Variants in ASIC2 observed in about 807,000 individuals in gnomAD.
The protein encoded by ASIC2 is acid sensing ion channel subunit 2.
ASIC2 carries 25 observed loss-of-function variants against 57.3 expected under a neutral mutation model. The observed-to-expected ratio is 0.44, with a 90% CI of 0.32 to 0.61. ASIC2 has a LOEUF of 0.61. Ranked by LOEUF, ASIC2 falls within the 20% of genes least tolerant of loss-of-function variation. ASIC2 has a pLI of 0.06. For missense variants in ASIC2, 641 were observed against 738.1 expected, an observed-to-expected ratio of 0.87 and a Z score of 1.52; for synonymous variants, 319 against 307.5, an observed-to-expected ratio of 1.04 and a Z score of -0.39.
At position 33,013,847 on chromosome 17, in the gene ASIC2, T is replaced by G; in HGVS notation, c.*118A>C. On this transcript the variant is annotated 3_prime_UTR_variant, in exon 10 of 10. Coordinates refer to ENST00000225823, the MANE Select transcript of ASIC2 (RefSeq NM_183377.2). ...AGGCAGCTAGTCTGCAATGTGTGCATAGGGGGCTCTTGCTTCTTTCCAGCA... is the reference window on the plus strand; with the variant it reads ...AGGCAGCTAGTCTGCAATGTGTGCAGAGGGGGCTCTTGCTTCTTTCCAGCA... 1 of 888,118 alleles carries G rather than the reference T, an allele frequency of 1.1e-6. No individual in the cohort carries two copies. Among genetic ancestry groups the G allele is most frequent in the Non-Finnish European group, 1.8e-6 (1 of 553,010 alleles). 55.0% of individuals were successfully genotyped at this position (888,118 alleles called of 1,614,324 possible).
intron 1 of ASIC2, among the ~76,000 whole-genome samples, chr17:34,110,020 A>C (rs1215211899): frequency 2.0e-5 from 3 of 152,090 alleles, no homozygotes; most frequent in African/African-American, 4.8e-5. Flanking sequence ...TAGTATTTCT[A>C]AAATTCGTAT....
chr17:33,628,280 C>T (rs937440281), intron 1 of ASIC2, among the ~76,000 whole-genome samples: 3 of 151,976 alleles, frequency 2.0e-5, no homozygotes, highest in African/African-American at 7.2e-5. Context: ...TTTCTGATAT[C>T]TACCTGTCTG....
At chr17:33,677,088 C>A (rs1243590553) in intron 1 of ASIC2, among the ~76,000 whole-genome samples, 1 of 152,180 alleles carries the variant, frequency 6.6e-6, no homozygotes, top group Non-Finnish European at 1.5e-5. Flanking sequence ...ACCAATTTAA[C>A]CTCTTTTACT....
At chr17:33,066,984 C>G (rs536559398) in intron 3 of ASIC2, among the ~76,000 whole-genome samples, 180 of 152,164 alleles carry the variant, frequency 1.2e-3, no homozygotes, top group African/African-American at 4.0e-3. Flanking sequence ...GAAGGTAAAC[C>G]TGGGATTGTA....
rs186815736 is a variant in ASIC2 at position 33,868,697 on chromosome 17, T to G, written c.555+287281A>C. ...TGGGAGAAAACTTTTGTAAATCACGTACCTAATCAAGTACTTGTATCCCAA... is the reference window on the plus strand; with the variant it reads ...TGGGAGAAAACTTTTGTAAATCACGGACCTAATCAAGTACTTGTATCCCAA... On this transcript the variant is annotated intron_variant, in intron 1 of 9. Transcript: ENST00000359872. Among the ~76,000 whole-genome samples, 193 of 152,246 alleles carry G rather than the reference T, an allele frequency of 1.3e-3. 1 individual carries two copies. The highest frequency in any genetic ancestry group is 4.5e-3 in the African/African-American group (185 of 41,558).
Position 34,064,947 on chromosome 17 carries a change from C to T in ASIC2, c.555+91031G>A, listed in dbSNP as rs181390432. 5.4e-4 allele frequency among the ~76,000 whole-genome samples: 83 copies of T among 152,330 alleles called. 1 individual carries two copies. The highest frequency in any genetic ancestry group is 5.4e-3 in the Admixed American group (82 of 15,292). On this transcript the variant is annotated intron_variant, in intron 1 of 9. Transcript: ENST00000359872. ...TGGCTAGTGGGAATGTAAACTAGTACAGCCACTATAGGAAACAATGTGGAG... is the reference window on the plus strand; with the variant it reads ...TGGCTAGTGGGAATGTAAACTAGTATAGCCACTATAGGAAACAATGTGGAG...
intron 3 of ASIC2, among the ~76,000 whole-genome samples, chr17:33,043,370 C>T (rs2091937445): frequency 6.6e-6 from 1 of 152,228 alleles, no homozygotes. Context: ...CTGCTATTAA[C>T]CAGCTCTCGT....
At chr17:33,054,757 C>T (rs1039221923) in intron 3 of ASIC2, among the ~76,000 whole-genome samples, 12 of 152,176 alleles carry the variant, frequency 7.9e-5, no homozygotes, top group African/African-American at 2.9e-4. Context: ...GATATAAAAA[C>T]TGGGGTAAGA....
At position 33,691,083 on chromosome 17, in the gene ASIC2, G is replaced by A. The variant is rs547592228; in HGVS notation, c.555+464895C>T. Among the ~76,000 whole-genome samples the A allele has an allele frequency of 1.8e-4, 28 of 152,154 alleles. No homozygotes were observed. The South Asian group carries it at 4.8e-3, about 26-fold the overall frequency. Reference sequence around the variant, plus strand: ...ACTTTTCATTCTTAACAGTTAAATAGCATTTCATTATCTGGATGGACTAAT... The same window carrying A: ...ACTTTTCATTCTTAACAGTTAAATAACATTTCATTATCTGGATGGACTAAT... On this transcript the variant is annotated intron_variant, in intron 1 of 9. Transcript: ENST00000359872.
intron 1 of ASIC2, among the ~76,000 whole-genome samples, chr17:33,629,689 T>C (rs1049581195): frequency 6.6e-6 from 1 of 152,112 alleles, no homozygotes; most frequent in Non-Finnish European, 1.5e-5. Flanking sequence ...GCTATCTCTT[T>C]GAACTGAAAA....
intron 1 of ASIC2, among the ~76,000 whole-genome samples, chr17:34,106,195 T>C (rs1401340599): frequency 6.6e-6 from 1 of 152,188 alleles, no homozygotes; most frequent in Non-Finnish European, 1.5e-5. Flanking sequence ...TATCTTAGGA[T>C]ATCACAATTG....
At chr17:34,007,015 T>A (rs914950942) in intron 1 of ASIC2, among the ~76,000 whole-genome samples, 2 of 152,142 alleles carry the variant, frequency 1.3e-5, no homozygotes, top group Non-Finnish European at 2.9e-5. Flanking sequence ...CAGCCAGATA[T>A]CCCCATCCTG....
At chr17:33,783,026 A>G (rs1429613766) in intron 1 of ASIC2, among the ~76,000 whole-genome samples, 1 of 152,150 alleles carries the variant, frequency 6.6e-6, no homozygotes. Flanking sequence ...CTTCTTATCC[A>G]TCAGACCCAA....
At chr17:33,276,873 G>A (rs1211642887) in intron 1 of ASIC2, among the ~76,000 whole-genome samples, 1 of 152,180 alleles carries the variant, frequency 6.6e-6, no homozygotes, top group African/African-American at 2.4e-5. Flanking sequence ...TATTGTAACA[G>A]AATAAAATGG....
Position 33,052,769 on chromosome 17 carries a change from C to T in ASIC2, c.988-24377G>A, listed in dbSNP as rs1158374425. ...ACAGTGAGTTCACTGCACAGATAAA[C>T]TAGGGCAGTTCTCCAGTATTGGAAT... On this transcript the variant is annotated intron_variant, in intron 3 of 9. Transcript: ENST00000225823. 2.6e-5 allele frequency: 4 copies of T among 152,166 alleles called. No individual in the cohort carries two copies. In the East Asian group the frequency reaches 7.7e-4, roughly 29 times the overall value. 9.4% of individuals were successfully genotyped at this position (152,166 alleles called of 1,614,324 possible). A position where few individuals can be genotyped will look rare whatever the true frequency, so the allele number is the denominator to read the frequency against.
At chr17:33,204,088 A>C (rs914135967) in intron 1 of ASIC2, among the ~76,000 whole-genome samples, 7 of 152,206 alleles carry the variant, frequency 4.6e-5, no homozygotes, top group Non-Finnish European at 1.5e-5. Context: ...AGTGAGGCTT[A>C]GATTCCTCTT....
intron 3 of ASIC2, among the ~76,000 whole-genome samples, chr17:33,074,640 A>G (rs1407288714): frequency 6.6e-6 from 1 of 152,148 alleles, no homozygotes; most frequent in Non-Finnish European, 1.5e-5. Flanking sequence ...GTATTGCTCA[A>G]TGGTTAGAGC....
At chr17:33,719,356 G>A (rs961441835) in intron 1 of ASIC2, among the ~76,000 whole-genome samples, 19 of 152,298 alleles carry the variant, frequency 1.2e-4, no homozygotes, top group East Asian at 3.9e-4. Flanking sequence ...CTGATTCAGC[G>A]CTGCCCTGCA....
At chr17:33,301,967 CTCT>C (rs1276756238) in intron 1 of ASIC2, among the ~76,000 whole-genome samples, 1 of 152,198 alleles carries the variant, frequency 6.6e-6, no homozygotes, top group Non-Finnish European at 1.5e-5. Flanking sequence ...TGTCCAGACC[CTCT>C]TCTTCTTCAA....
Sources: gnomAD v4.1 joint callset for allele counts (sites outside exome capture counted in the v4.1 genomes callset) on GRCh38, gnomAD v4.1.1 for gene constraint, MANE v1.5 for transcripts, NCBI Gene and HGNC (gene_info 2026-07-23, HGNC 2026-07-21) for gene names.